PLA2G4A: variants seen among roughly 807,000 people sequenced by gnomAD.
PLA2G4A encodes the protein cytosolic phospholipase A2.
Under a neutral mutation model 81.9 loss-of-function variants are expected in PLA2G4A, and 40 were observed. The observed-to-expected ratio is 0.49, with a 90% CI of 0.38 to 0.64. The LOEUF is 0.64. Ranked by LOEUF, PLA2G4A falls within the 30% of genes least tolerant of loss-of-function variation. The pLI is 0.00. For synonymous variants in PLA2G4A, 302 were observed against 296.9 expected (o/e 1.02, Z -0.18); for missense variants, 715 against 905.1 (o/e 0.79, Z 2.69).
intron 15 of PLA2G4A, among the ~76,000 whole-genome samples, chr1:186,967,244 T>C (rs1448712708): frequency 6.6e-6 from 1 of 152,170 alleles, no homozygotes; most frequent in Non-Finnish European, 1.5e-5. Flanking sequence ...TCATACTTTA[T>C]CTATTTTTGG....
chr1:186,898,502 T>C (rs1654425656), intron 5 of PLA2G4A, among the ~76,000 whole-genome samples: 1 of 152,118 alleles, frequency 6.6e-6, no homozygotes, highest in South Asian at 2.1e-4. Context: ...AAACAGGCAA[T>C]GATGAGCAAA....
rs1484628968 is a variant in PLA2G4A at position 186,988,444 on chromosome 1, C to T, written c.2186C>T (p.Ser729Phe). 22 of 1,611,316 alleles carry T rather than the reference C, an allele frequency of 1.4e-5. No homozygotes were observed. Among genetic ancestry groups the T allele is most frequent in the Non-Finnish European group, 1.8e-5 (21 of 1,177,630 alleles). The change falls in exon 18 of 18, where the codon TCC becomes TTC. Residue 729 changes from serine (S) to phenylalanine (F), a missense_variant. By Grantham distance (155) the Ser-to-Phe change is radical (BLOSUM62 -2). Coordinates refer to ENST00000367466, the MANE Select transcript of PLA2G4A (RefSeq NM_024420.3). ...RRQNPSRCSV[S>F]LSNVEARRFF... The stretch of plus-strand genomic sequence containing the variant: ...CAGAATCCATCTCGTTGCTCTGTTT[C>T]CCTTAGTAATGTTGAGGCAAGAAGA...
chr1:186,971,458 T>C (rs1657354739), intron 15 of PLA2G4A, among the ~76,000 whole-genome samples: 2 of 151,992 alleles, frequency 1.3e-5, no homozygotes, highest in Non-Finnish European at 2.9e-5. Flanking sequence ...CTTCCTTTTA[T>C]TATTTATTTA....
intron 13 of PLA2G4A, among the ~76,000 whole-genome samples, chr1:186,952,837 A>G (rs1413860541): frequency 6.6e-6 from 1 of 152,048 alleles, no homozygotes; most frequent in Non-Finnish European, 1.5e-5. Context: ...TTCACTTAGT[A>G]GTGTGCATTT....
chr1:186,873,699 A>G (rs899792516), intron 3 of PLA2G4A, among the ~76,000 whole-genome samples: 12 of 152,110 alleles, frequency 7.9e-5, no homozygotes, highest in Non-Finnish European at 1.5e-4. Context: ...ACATTTAGAA[A>G]TATGCTTCTG....
intron 15 of PLA2G4A, among the ~76,000 whole-genome samples, chr1:186,968,361 T>C (rs1203591104): frequency 6.6e-6 from 1 of 151,346 alleles, no homozygotes; most frequent in East Asian, 1.9e-4. Flanking sequence ...CAGCTGTTAA[T>C]ATTTTGGTAT....
intron 15 of PLA2G4A, among the ~76,000 whole-genome samples, chr1:186,971,070 C>A (rs532385283): frequency 6.6e-6 from 1 of 151,592 alleles, no homozygotes; most frequent in Non-Finnish European, 1.5e-5. Flanking sequence ...TTATTTTATT[C>A]TTCTAAATAT....
At chr1:186,897,354 C>A (rs968963789) in intron 5 of PLA2G4A, among the ~76,000 whole-genome samples, 1 of 151,996 alleles carries the variant, frequency 6.6e-6, no homozygotes, top group African/African-American at 2.4e-5. Flanking sequence ...TCATAGCTCT[C>A]CAGAATGTTT....
chr1:186,962,755 C>T (rs1478716926), intron 14 of PLA2G4A, among the ~76,000 whole-genome samples: 1 of 152,086 alleles, frequency 6.6e-6, no homozygotes, highest in Non-Finnish European at 1.5e-5. Flanking sequence ...CTCCTCACCT[C>T]GTGATCCACC....
chr1:186,836,336 A>G (rs994274644), intron 1 of PLA2G4A, among the ~76,000 whole-genome samples: 2 of 150,982 alleles, frequency 1.3e-5, no homozygotes, highest in South Asian at 2.1e-4. Flanking sequence ...TAATATGTAC[A>G]TAAGATATTA....
chr1:186,914,258 T>C (rs972961678), intron 7 of PLA2G4A, among the ~76,000 whole-genome samples: 1 of 91,064 alleles, frequency 1.1e-5, no homozygotes, highest in African/African-American at 4.6e-5. Context: ...CCCAGAAAAT[T>C]TATATATATA....
At chr1:186,881,688 G>A (rs896217730) in intron 3 of PLA2G4A, among the ~76,000 whole-genome samples, 1 of 151,952 alleles carries the variant, frequency 6.6e-6, no homozygotes, top group African/African-American at 2.4e-5. Flanking sequence ...AAATATACTT[G>A]GAAGAAATGA....
intron 7 of PLA2G4A, among the ~76,000 whole-genome samples, chr1:186,918,467 G>A (rs943480142): frequency 2.6e-5 from 4 of 152,150 alleles, no homozygotes; most frequent in Non-Finnish European, 4.4e-5. Flanking sequence ...TCTACAGCCC[G>A]AGTTAAAGCA....
rs2307196 is a variant in PLA2G4A at position 186,939,275 on chromosome 1, G to A, written c.918+45G>A. The A allele has an allele frequency of 1.8e-3, 1,508 of 824,252 alleles. 3 individuals are homozygous for A. The highest frequency in any genetic ancestry group is 2.5e-3 in the Non-Finnish European group (1,218 of 482,336). The allele number at this position is 824,252 out of a possible 1,614,324, so 51.1% of individuals were successfully genotyped here. On this transcript the variant is annotated intron_variant, in intron 9 of 17. Transcript: ENST00000367466. ...ACACTGCTTTTATAACAAGTAGACA[G>A]AACATATTATAATATTATATTTTAA...
intron 3 of PLA2G4A, among the ~76,000 whole-genome samples, chr1:186,884,041 C>CA (rs1653839106): frequency 1.3e-5 from 2 of 151,624 alleles, no homozygotes; most frequent in South Asian, 2.1e-4. Flanking sequence ...GTAGCTAAGG[C>CA]AAAACCAATA....
intron 8 of PLA2G4A, among the ~76,000 whole-genome samples, chr1:186,935,415 T>A (rs1039115586): frequency 7.9e-5 from 12 of 151,366 alleles, no homozygotes; most frequent in Non-Finnish European, 1.3e-4. Flanking sequence ...TTTATTTTTT[T>A]TTTTTTCAGA....
intron 7 of PLA2G4A, among the ~76,000 whole-genome samples, chr1:186,927,835 G>C (rs988283799): frequency 2.0e-5 from 3 of 152,164 alleles, no homozygotes; most frequent in Admixed American, 2.0e-4. Context: ...AATCAACCTT[G>C]AGTTGTCAAT....
At chr1:186,977,890 C>T in intron 16 of PLA2G4A, 102 bp downstream of exon 16, 1 of 801,348 alleles carries the variant, frequency 1.2e-6, no homozygotes, top group Non-Finnish European at 2.2e-6. Context: ...AGCTATTACA[C>T]TATTGAATGC....
At chr1:186,903,352 C>A (rs1654617290) in intron 5 of PLA2G4A, among the ~76,000 whole-genome samples, 1 of 151,932 alleles carries the variant, frequency 6.6e-6, no homozygotes, top group Non-Finnish European at 1.5e-5. Flanking sequence ...TTTGAAGAAC[C>A]CTTTACTAAT....
Sources: allele counts gnomAD v4.1 joint callset (sites outside exome capture counted in the v4.1 genomes callset), GRCh38; gene constraint gnomAD v4.1.1; transcripts MANE v1.5; gene names NCBI Gene and HGNC (gene_info 2026-07-23, HGNC 2026-07-21).